Variants in FAM107B observed in about 807,000 individuals in gnomAD.
FAM107B encodes protein FAM107B.
A neutral mutation model predicts 31.5 loss-of-function variants in FAM107B; 21 were observed. The observed-to-expected ratio is 0.67, with a 90% confidence interval of 0.47 to 0.96. FAM107B has a LOEUF of 0.96. Among genes scored for constraint, FAM107B ranks in the 40% least tolerant of loss-of-function variants. The pLI is 0.00. For missense variants in FAM107B, 452 were observed against 377.1 expected, an observed-to-expected ratio of 1.20 and a Z score of -1.64; for synonymous variants, 157 against 141.5, an observed-to-expected ratio of 1.11 and a Z score of -0.78.
At chr10:14,708,140 C>T (rs113431442) in intron 1 of FAM107B, among the ~76,000 whole-genome samples, 47 of 152,066 alleles carry the variant, frequency 3.1e-4, no homozygotes, top group African/African-American at 1.0e-3. Flanking sequence ...TGAAGTGGCA[C>T]AATCTCGGCT....
chr10:14,593,609 G>A (rs911196966), intron 2 of FAM107B, among the ~76,000 whole-genome samples: 4 of 151,656 alleles, frequency 2.6e-5, no homozygotes, highest in Admixed American at 6.6e-5. Flanking sequence ...CAGGAGAATC[G>A]CTTGAACCTG....
chr10:14,568,937 T>C (rs1358514159), intron 2 of FAM107B, among the ~76,000 whole-genome samples: 1 of 152,176 alleles, frequency 6.6e-6, no homozygotes, highest in African/African-American at 2.4e-5. Context: ...AGAGCTGGCA[T>C]CTGACGATGT....
chr10:14,715,780 A>G (rs4748109), intron 1 of FAM107B, among the ~76,000 whole-genome samples: 34,272 of 152,074 alleles, frequency 0.23, 4,255 homozygotes, highest in Admixed American at 0.29. Context: ...GGATTGACAC[A>G]AGTGCCTCCC....
At chr10:14,588,620 G>A (rs1564589033) in intron 2 of FAM107B, among the ~76,000 whole-genome samples, 1 of 152,170 alleles carries the variant, frequency 6.6e-6, no homozygotes, top group South Asian at 2.1e-4. Context: ...CAACCGTCCT[G>A]AGAAACAGGA....
intron 1 of FAM107B, among the ~76,000 whole-genome samples, chr10:14,724,436 T>C (rs1415473143): frequency 6.6e-6 from 1 of 152,212 alleles, no homozygotes; most frequent in Non-Finnish European, 1.5e-5. Context: ...ATTTCTAAAA[T>C]CTTAATTCTA....
intron 1 of FAM107B, among the ~76,000 whole-genome samples, chr10:14,737,969 T>A (rs1856347836): frequency 6.6e-6 from 1 of 152,150 alleles, no homozygotes; most frequent in Non-Finnish European, 1.5e-5. Flanking sequence ...CTCTAGGCGT[T>A]TCATTCCCCC....
chr10:14,617,185 C>G (rs1852876085), intron 2 of FAM107B, among the ~76,000 whole-genome samples: 1 of 152,020 alleles, frequency 6.6e-6, no homozygotes, highest in African/African-American at 2.4e-5. Flanking sequence ...TTTTGAAGAT[C>G]ATGCCCCGGT....
At chr10:14,559,468 C>CAA (rs35061654) in intron 2 of FAM107B, among the ~76,000 whole-genome samples, 122 of 112,734 alleles carry the variant, frequency 1.1e-3, no homozygotes, top group African/African-American at 3.8e-3. Flanking sequence ...GGTTCTCTTA[C>CAA]AAAAAAAAAA....
At chr10:14,574,072 TA>T (rs964252610) in intron 2 of FAM107B, among the ~76,000 whole-genome samples, 1 of 152,116 alleles carries the variant, frequency 6.6e-6, no homozygotes, top group African/African-American at 2.4e-5. Flanking sequence ...GCTCTGCTTA[TA>T]AAAAATGCAA....
At chr10:14,695,156 C>T (rs1229242685) in intron 1 of FAM107B, among the ~76,000 whole-genome samples, 1 of 151,994 alleles carries the variant, frequency 6.6e-6, no homozygotes, top group South Asian at 2.1e-4. Context: ...GTCTTTTGTC[C>T]CTTTTGAGTT....
At chr10:14,595,553 G>A (rs946534335) in intron 2 of FAM107B, among the ~76,000 whole-genome samples, 1 of 150,342 alleles carries the variant, frequency 6.7e-6, no homozygotes, top group African/African-American at 2.4e-5. Context: ...AGCCTCCCAA[G>A]TAGCTGGGAC....
At chr10:14,591,824 G>T (rs1852029643) in intron 2 of FAM107B, among the ~76,000 whole-genome samples, 1 of 151,996 alleles carries the variant, frequency 6.6e-6, no homozygotes, top group African/African-American at 2.4e-5. Context: ...ATAACTTCCA[G>T]TTTACAGAAA....
chr10:14,590,522 T>C (rs1851980421), intron 2 of FAM107B, among the ~76,000 whole-genome samples: 1 of 152,228 alleles, frequency 6.6e-6, no homozygotes, highest in African/African-American at 2.4e-5. Flanking sequence ...GCGGATGTAG[T>C]ATGTCACCGT....
intron 2 of FAM107B, among the ~76,000 whole-genome samples, chr10:14,597,053 T>C (rs1042174319): frequency 3.3e-5 from 5 of 152,162 alleles, no homozygotes; most frequent in African/African-American, 1.2e-4. Context: ...TCCGATACAC[T>C]ACTTTACCCT....
chr10:14,661,540 T>C (rs1159354735), intron 2 of FAM107B: 1 of 152,246 alleles, frequency 6.6e-6, no homozygotes, highest in African/African-American at 2.4e-5. Context: ...ACTGACACCA[T>C]TGGCTCTCCT....
chr10:14,610,260 A>C (rs781669477), intron 2 of FAM107B, among the ~76,000 whole-genome samples: 1 of 152,008 alleles, frequency 6.6e-6, no homozygotes, highest in African/African-American at 2.4e-5. Context: ...GGAGAATGGC[A>C]TCAACCCGGG....
At chr10:14,547,249 G>C (rs902959173) in intron 2 of FAM107B, among the ~76,000 whole-genome samples, 2 of 152,204 alleles carry the variant, frequency 1.3e-5, no homozygotes, top group Non-Finnish European at 2.9e-5. Context: ...GTTGTCTGAA[G>C]TCACTAGTAA....
chr10:14,587,112 T>C (rs547723367), intron 2 of FAM107B, among the ~76,000 whole-genome samples: 201 of 152,238 alleles, frequency 1.3e-3, no homozygotes, highest in Non-Finnish European at 2.6e-3. Flanking sequence ...CCAGGTGCTT[T>C]TCCTGCCTGA....
At chr10:14,647,983 G>A (rs1853801889) in intron 2 of FAM107B, among the ~76,000 whole-genome samples, 1 of 149,342 alleles carries the variant, frequency 6.7e-6, no homozygotes, top group African/African-American at 2.5e-5. Flanking sequence ...AAAATGGAGT[G>A]AGAATCCATT....
Sources: gnomAD v4.1 joint callset for allele counts (sites outside exome capture counted in the v4.1 genomes callset) on GRCh38, gnomAD v4.1.1 for gene constraint, MANE v1.5 for transcripts, NCBI Gene and HGNC (gene_info 2026-07-23, HGNC 2026-07-21) for gene names.